GRID2: variants seen among roughly 807,000 people sequenced by gnomAD.
The protein encoded by GRID2 is glutamate receptor ionotropic, delta-2.
In GRID2, 33 loss-of-function variants were observed where a neutral mutation model predicts 114.8. The ratio of observed to expected loss-of-function variants is 0.29; its 90% CI spans 0.22 to 0.38. The LOEUF is 0.38. Among genes scored for constraint, GRID2 ranks in the 10% least tolerant of loss-of-function variants. The probability of loss-of-function intolerance (pLI) is 1.00; values close to 1 mark genes in which losing one functional copy is unlikely to be tolerated. For missense variants in GRID2, 1,184 were observed against 1,257.7 expected, an observed-to-expected ratio of 0.94 and a Z score of 0.89; for synonymous variants, 505 against 449.9, an observed-to-expected ratio of 1.12 and a Z score of -1.55.
chr4:93,109,293 A>G (rs987752264), intron 3 of GRID2, among the ~76,000 whole-genome samples: 18 of 152,204 alleles, frequency 1.2e-4, no homozygotes, highest in African/African-American at 4.3e-4. Context: ...ATGATAAGAA[A>G]TGTAAGATAG....
intron 2 of GRID2, among the ~76,000 whole-genome samples, chr4:92,973,656 A>G (rs1753664482): frequency 6.6e-6 from 1 of 152,176 alleles, no homozygotes; most frequent in Non-Finnish European, 1.5e-5. Flanking sequence ...TACCAATGTG[A>G]GATGTGAAAG....
intron 2 of GRID2, among the ~76,000 whole-genome samples, chr4:93,064,400 A>G (rs1057237310): frequency 6.6e-6 from 1 of 151,874 alleles, no homozygotes. Context: ...CAATAGAATT[A>G]TAATTTTAGA....
chr4:92,778,496 G>A (rs1032220120), intron 2 of GRID2, among the ~76,000 whole-genome samples: 5 of 152,006 alleles, frequency 3.3e-5, no homozygotes, highest in African/African-American at 1.2e-4. Context: ...TAGGTTCAGG[G>A]ACCTAGAAAT....
intron 2 of GRID2, among the ~76,000 whole-genome samples, chr4:92,953,171 G>A (rs1410465107): frequency 1.3e-5 from 2 of 152,106 alleles, no homozygotes; most frequent in Non-Finnish European, 2.9e-5. Flanking sequence ...TACAAATAAG[G>A]TCACATTCAG....
At chr4:93,679,357 T>C (rs1725267245) in intron 14 of GRID2, among the ~76,000 whole-genome samples, 1 of 150,740 alleles carries the variant, frequency 6.6e-6, no homozygotes, top group African/African-American at 2.5e-5. Flanking sequence ...CTGTCAACAT[T>C]AGACAGATCA....
intron 2 of GRID2, among the ~76,000 whole-genome samples, chr4:92,676,822 C>A (rs1444401805): frequency 6.6e-6 from 1 of 152,164 alleles, no homozygotes; most frequent in Admixed American, 6.5e-5. Flanking sequence ...GCTTATACAC[C>A]TGTGTTCAGA....
rs146791731 is a variant in GRID2, at chr4:92,497,857, G to A, written c.89-92274G>A. 5.3e-3 allele frequency among the ~76,000 whole-genome samples: 802 copies of A among 151,746 alleles called. 6 individuals carry two copies. The highest frequency in any genetic ancestry group is 0.018 in the African/African-American group (762 of 41,454). ...TTTAAAAATTTTACGTAAAAGGATC[G>A]TGCCATATGTTTGTCTTTTTTATTT... On this transcript the variant is annotated intron_variant, in intron 1 of 15. Coordinates refer to ENST00000282020, the MANE Select transcript of GRID2 (RefSeq NM_001510.4).
intron 2 of GRID2, among the ~76,000 whole-genome samples, chr4:92,900,933 C>CATCTGTGTGTGTGTGT (rs1747537679): frequency 1.7e-5 from 1 of 58,538 alleles, no homozygotes; most frequent in Admixed American, 2.2e-4. Flanking sequence ...GAGTAGTATT[C>CATCTGTGTGTGTGTGT]GTCTGTGTGT....
chr4:93,364,075 T>G lies in GRID2; in HGVS notation c.1246-31532T>G, dbSNP rs560543211. On this transcript the variant is annotated intron_variant, in intron 8 of 15. Transcript: ENST00000282020. ...GAGAATGTTTTCCTATTGCTTTTTCTCATGAATAACAATTTGGCATTCTTA... is the reference window on the plus strand; with the variant it reads ...GAGAATGTTTTCCTATTGCTTTTTCGCATGAATAACAATTTGGCATTCTTA... 4.6e-5 allele frequency among the ~76,000 whole-genome samples: 7 copies of G among 152,210 alleles called. No homozygotes were observed. In the East Asian group the frequency reaches 1.2e-3, roughly 25 times the overall value.
intron 1 of GRID2, among the ~76,000 whole-genome samples, chr4:92,314,480 T>A (rs931393370): frequency 6.2e-4 from 94 of 152,216 alleles, no homozygotes; most frequent in Non-Finnish European, 1.1e-3. Context: ...AACATTTTTT[T>A]AAAAAGTTTT....
chr4:93,556,747 C>T (rs551765297), intron 13 of GRID2, among the ~76,000 whole-genome samples: 247 of 152,194 alleles, frequency 1.6e-3, no homozygotes, highest in Admixed American at 2.2e-3. Context: ...ATATAGAGAA[C>T]ACCACAATGA....
intron 8 of GRID2, among the ~76,000 whole-genome samples, chr4:93,368,578 C>T (rs763742299): frequency 1.3e-5 from 2 of 152,080 alleles, no homozygotes; most frequent in South Asian, 2.1e-4. Flanking sequence ...CAACAGGCCC[C>T]GGTGTGTGAT....
chr4:93,598,232 T>C (rs775753634), intron 13 of GRID2, among the ~76,000 whole-genome samples: 4 of 152,194 alleles, frequency 2.6e-5, no homozygotes, highest in Non-Finnish European at 5.9e-5. Context: ...CCAAATGATA[T>C]CACTTATTGT....
At chr4:92,320,262 G>A (rs1339909204) in intron 1 of GRID2, among the ~76,000 whole-genome samples, 1 of 151,986 alleles carries the variant, frequency 6.6e-6, no homozygotes, top group East Asian at 1.9e-4. Context: ...ACCTAAAAAA[G>A]GAAACAGTGT....
chr4:93,717,431 C>G (rs1376955819), intron 14 of GRID2, among the ~76,000 whole-genome samples: 6 of 151,408 alleles, frequency 4.0e-5, no homozygotes. Flanking sequence ...GAGTAACTGA[C>G]TAGTGAAGAA....
rs897411033 is a variant in GRID2 at position 93,471,698 on chromosome 4, A to ATTTTTTTTTTT, written c.1858+15731_1858+15741dup. On this transcript the variant is annotated intron_variant, in intron 11 of 15. Coordinates refer to ENST00000282020, the MANE Select transcript of GRID2 (RefSeq NM_001510.4). Reference sequence around the variant, plus strand: ...ATTGTTATTTCTTCTCCTGAATTCAATTTTTTTTTTTTTTTTTGGAGACGG... The same window carrying ATTTTTTTTTTT: ...ATTGTTATTTCTTCTCCTGAATTCAATTTTTTTTTTTTTTTTTTTTTTTTTTTTGGAGACGG... 3.1e-3 allele frequency among the ~76,000 whole-genome samples: 188 copies of ATTTTTTTTTTT among 60,956 alleles called. 40 individuals are homozygous for ATTTTTTTTTTT. The highest frequency in any genetic ancestry group is 0.014 in the African/African-American group (154 of 11,058). 40.0% of individuals were successfully genotyped at this position (60,956 alleles called of 152,430 possible). A position where few individuals can be genotyped will look rare whatever the true frequency, so the allele number is the denominator to read the frequency against.
intron 1 of GRID2, among the ~76,000 whole-genome samples, chr4:92,503,873 G>T (rs1001288589): frequency 3.9e-5 from 6 of 151,912 alleles, no homozygotes; most frequent in Admixed American, 3.9e-4. Context: ...AGCTTAATGA[G>T]GTAGAGGTAT....
intron 2 of GRID2, among the ~76,000 whole-genome samples, chr4:93,039,808 A>T (rs147236528): frequency 1.3e-5 from 2 of 152,296 alleles, no homozygotes; most frequent in East Asian, 3.9e-4. Context: ...ATGGGTTAAT[A>T]ACAATACTCA....
At chr4:93,184,606 G>A (rs1005275368) in intron 4 of GRID2, among the ~76,000 whole-genome samples, 60 of 151,892 alleles carry the variant, frequency 4.0e-4, no homozygotes, top group African/African-American at 1.4e-3. Flanking sequence ...GTCTCTGGCC[G>A]GGTGCAGTGG....
Sources: allele counts gnomAD v4.1 joint callset (sites outside exome capture counted in the v4.1 genomes callset), GRCh38; gene constraint gnomAD v4.1.1; transcripts MANE v1.5; gene names NCBI Gene and HGNC (gene_info 2026-07-23, HGNC 2026-07-21).